MTUS2: variants seen among roughly 807,000 people sequenced by gnomAD.
MTUS2 encodes microtubule-associated tumor suppressor candidate 2.
In MTUS2, 40 loss-of-function variants were observed where a neutral mutation model predicts 114.1. The observed-to-expected ratio is 0.35, with a 90% CI of 0.27 to 0.46. The LOEUF is 0.46. MTUS2 is among the 20% of genes least tolerant of loss of function. The pLI, the probability that MTUS2 is intolerant of heterozygous loss-of-function variation, is 1.00. For missense variants in MTUS2, 1,679 were observed against 1,705.4 expected (o/e 0.98, Z 0.27); for synonymous variants, 688 against 672.0 (o/e 1.02, Z -0.37).
At chr13:28,821,242 G>C (rs1873876691) in intron 1 of MTUS2, among the ~76,000 whole-genome samples, 1 of 152,184 alleles carries the variant, frequency 6.6e-6, no homozygotes. Flanking sequence ...TTGGAGATAA[G>C]CAGTGGTCTT....
chr13:29,246,304 T>C (rs1425649655), intron 5 of MTUS2, among the ~76,000 whole-genome samples: 1 of 152,082 alleles, frequency 6.6e-6, no homozygotes, highest in Non-Finnish European at 1.5e-5. Context: ...TATGAGAAGA[T>C]AAAGGGTCCA....
At chr13:29,495,355 CAAAAAAA>C (rs561721512) in intron 12 of MTUS2, among the ~76,000 whole-genome samples, 5 of 29,808 alleles carry the variant, frequency 1.7e-4, no homozygotes, top group Admixed American at 8.3e-4. Flanking sequence ...GAGTCTTTGT[CAAAAAAA>C]AAAAAAAAAA....
intron 6 of MTUS2, among the ~76,000 whole-genome samples, chr13:29,314,273 A>G (rs560879790): frequency 3.9e-5 from 6 of 152,342 alleles, no homozygotes; most frequent in South Asian, 2.1e-4. Flanking sequence ...CTTACATGTC[A>G]TAATTGTGAG....
At position 29,380,984 on chromosome 13, in the gene MTUS2, G is replaced by A. The variant is rs1355538687; in HGVS notation, c.3117+21511G>A. Among the ~76,000 whole-genome samples the A allele has an allele frequency of 2.0e-5, 3 of 152,132 alleles. No homozygotes were observed. In the East Asian group the frequency reaches 5.8e-4, roughly 29 times the overall value. ...TTGGCTGCTGACTCTCATGCTGGAGGGCAGCTGTGACTGTCAGCTTGTGCA... is the reference window on the plus strand; with the variant it reads ...TTGGCTGCTGACTCTCATGCTGGAGAGCAGCTGTGACTGTCAGCTTGTGCA... On this transcript the variant is annotated intron_variant, in intron 8 of 15. Transcript: ENST00000612955.
chr13:29,401,775 A>C (rs1401580244), intron 8 of MTUS2, among the ~76,000 whole-genome samples: 1 of 152,212 alleles, frequency 6.6e-6, no homozygotes, highest in African/African-American at 2.4e-5. Flanking sequence ...ATCTATGTCA[A>C]GTATTTGCTC....
chr13:29,338,168 C>T (rs1336969125), intron 7 of MTUS2, among the ~76,000 whole-genome samples: 1 of 152,070 alleles, frequency 6.6e-6, no homozygotes, highest in Non-Finnish European at 1.5e-5. Flanking sequence ...ACACAGTTTT[C>T]CCCGATAGTC....
At chr13:29,368,773 T>C (rs1368887260) in intron 8 of MTUS2, among the ~76,000 whole-genome samples, 2 of 152,160 alleles carry the variant, frequency 1.3e-5, no homozygotes, top group Admixed American at 1.3e-4. Context: ...AGCAGAGGTG[T>C]AGATGTCAGG....
intron 5 of MTUS2, among the ~76,000 whole-genome samples, chr13:29,103,601 C>G (rs1438619609): frequency 6.6e-6 from 1 of 152,136 alleles, no homozygotes; most frequent in African/African-American, 2.4e-5. Flanking sequence ...TCATTGTACA[C>G]TTTTATGTGA....
chr13:29,103,686 A>G (rs1197644223), intron 5 of MTUS2, among the ~76,000 whole-genome samples: 1 of 152,206 alleles, frequency 6.6e-6, no homozygotes, highest in African/African-American at 2.4e-5. Context: ...GTGCTATGAC[A>G]TTACGGTGGC....
intron 1 of MTUS2, among the ~76,000 whole-genome samples, chr13:28,832,854 AAGAG>A (rs1319684968): frequency 6.6e-5 from 10 of 151,778 alleles, no homozygotes; most frequent in African/African-American, 1.7e-4. Context: ...CTAATAGAAA[AAGAG>A]AGAAGAATCA....
intron 5 of MTUS2, among the ~76,000 whole-genome samples, chr13:29,227,620 T>C (rs1278438367): frequency 6.6e-6 from 1 of 152,228 alleles, no homozygotes; most frequent in East Asian, 1.9e-4. Flanking sequence ...TTCTTTCCTT[T>C]TGTGGAAAAC....
chr13:28,955,019 A>G (rs569175930), intron 2 of MTUS2, among the ~76,000 whole-genome samples: 2 of 152,158 alleles, frequency 1.3e-5, no homozygotes, highest in South Asian at 2.1e-4. Flanking sequence ...GGAGTCAGCA[A>G]TCGATCCTGG....
chr13:28,901,732 A>G (rs747805412), intron 2 of MTUS2, among the ~76,000 whole-genome samples: 8 of 152,182 alleles, frequency 5.3e-5, no homozygotes, highest in Non-Finnish European at 1.0e-4. Context: ...CTATGCCTCT[A>G]CCAATACCAT....
chr13:29,369,451 C>T (rs1241749947), intron 8 of MTUS2, among the ~76,000 whole-genome samples: 1 of 152,168 alleles, frequency 6.6e-6, no homozygotes, highest in African/African-American at 2.4e-5. Context: ...AACTACAGTC[C>T]TGCCTATTCC....
intron 2 of MTUS2, among the ~76,000 whole-genome samples, chr13:28,999,362 G>T (rs988609332): frequency 6.6e-6 from 1 of 152,156 alleles, no homozygotes; most frequent in African/African-American, 2.4e-5. Flanking sequence ...GAGGCAGTCT[G>T]CCCATTCTCA....
intron 5 of MTUS2, among the ~76,000 whole-genome samples, chr13:29,107,735 A>T (rs761202526): frequency 1.5e-4 from 23 of 152,160 alleles, no homozygotes; most frequent in Non-Finnish European, 3.1e-4. Context: ...CCTACCTTTG[A>T]GGCTATTCGT....
intron 7 of MTUS2, among the ~76,000 whole-genome samples, chr13:29,344,705 C>CT (rs1868496206): frequency 6.6e-6 from 1 of 152,078 alleles, no homozygotes; most frequent in Non-Finnish European, 1.5e-5. Context: ...AGGTTGTTGC[C>CT]TGAATACCTT....
At chr13:29,073,316 CAGTT>C (rs1357633555) in intron 4 of MTUS2, among the ~76,000 whole-genome samples, 4 of 152,206 alleles carry the variant, frequency 2.6e-5, no homozygotes, top group African/African-American at 9.6e-5. Flanking sequence ...GTTTCTTGCT[CAGTT>C]AGCCTCGTGT....
At chr13:29,100,558 T>C (rs1003399899) in intron 4 of MTUS2, among the ~76,000 whole-genome samples, 5 of 152,162 alleles carry the variant, frequency 3.3e-5, no homozygotes, top group Admixed American at 3.3e-4. Flanking sequence ...AGGCTGGGGC[T>C]GCACCACCTC....
Sources: allele counts gnomAD v4.1 joint callset (sites outside exome capture counted in the v4.1 genomes callset), GRCh38; gene constraint gnomAD v4.1.1; transcripts MANE v1.5; gene names NCBI Gene and HGNC (gene_info 2026-07-23, HGNC 2026-07-21).